TCF12: variants seen among roughly 807,000 people sequenced by gnomAD.
The protein encoded by TCF12 is transcription factor 12.
Under a neutral mutation model 86.0 loss-of-function variants are expected in TCF12, and 45 were observed. The observed-to-expected ratio is 0.52, with a 90% confidence interval of 0.41 to 0.67. TCF12 has a LOEUF of 0.67. Among genes scored for constraint, TCF12 ranks in the 30% least tolerant of loss-of-function variants. TCF12 has a pLI of 0.00. For synonymous variants in TCF12, 330 were observed against 299.6 expected (o/e 1.10, Z -1.05); for missense variants, 881 against 859.9 (o/e 1.02, Z -0.31).
chr15:57,080,436 A>G (rs750880805), intron 4 of TCF12, among the ~76,000 whole-genome samples: 4 of 152,178 alleles, frequency 2.6e-5, no homozygotes, highest in Non-Finnish European at 5.9e-5. Context: ...TGTGTCCTTT[A>G]GCCAGATAAT....
At chr15:57,222,529 G>T (rs2058646297) in intron 8 of TCF12, among the ~76,000 whole-genome samples, 1 of 151,734 alleles carries the variant, frequency 6.6e-6, no homozygotes, top group Non-Finnish European at 1.5e-5. Flanking sequence ...AGGTATTAAT[G>T]TGGGTTTATA....
intron 5 of TCF12, among the ~76,000 whole-genome samples, chr15:57,147,425 AGTTT>A (rs2053432856): frequency 6.6e-6 from 1 of 152,166 alleles, no homozygotes; most frequent in South Asian, 2.1e-4. Flanking sequence ...ATCCCCAAAT[AGTTT>A]GTTTTTTAAA....
At chr15:57,193,588 T>C (rs1439942888) in intron 7 of TCF12, among the ~76,000 whole-genome samples, 1 of 152,246 alleles carries the variant, frequency 6.6e-6, no homozygotes, top group Non-Finnish European at 1.5e-5. Flanking sequence ...TACTTAAAGC[T>C]GCAAAGCATT....
In TCF12 at chr15:57,197,863, A is replaced by G. The variant is rs571066195; in HGVS notation, c.579+38A>G. 4.4e-6 allele frequency: 7 copies of G among 1,602,214 alleles called. 1 individual carries two copies. In the South Asian group the frequency reaches 6.6e-5, roughly 15 times the overall value. On this transcript the variant is annotated intron_variant, in intron 8 of 20. Transcript: ENST00000333725. ...CTTTTTTTAACTTGATGGTAAACAA[A>G]CTGATTTCAAGTGTTCCGTATTACC...
intron 8 of TCF12, among the ~76,000 whole-genome samples, chr15:57,220,308 C>T (rs2058530944): frequency 6.6e-6 from 1 of 152,032 alleles, no homozygotes; most frequent in South Asian, 2.1e-4. Flanking sequence ...AGATGAAAGT[C>T]ATCTAGGATA....
intron 5 of TCF12, among the ~76,000 whole-genome samples, chr15:57,156,991 T>C (rs1470467178): frequency 6.6e-6 from 1 of 152,240 alleles, no homozygotes; most frequent in Non-Finnish European, 1.5e-5. Flanking sequence ...GATACATTAA[T>C]GTCAGGAAGG....
At chr15:56,950,941 A>G (rs1249136489) in intron 3 of TCF12, among the ~76,000 whole-genome samples, 1 of 151,214 alleles carries the variant, frequency 6.6e-6, no homozygotes, top group African/African-American at 2.4e-5. Context: ...TTTTTAGTAG[A>G]GATGGGGTTT....
intron 16 of TCF12, among the ~76,000 whole-genome samples, chr15:57,258,263 A>G (rs2060438745): frequency 6.6e-6 from 1 of 152,128 alleles, no homozygotes; most frequent in South Asian, 2.1e-4. Context: ...CTGAGTGACA[A>G]AGTGAGACCC....
At chr15:57,236,193 C>T (rs1323168193) in intron 12 of TCF12, among the ~76,000 whole-genome samples, 1 of 152,184 alleles carries the variant, frequency 6.6e-6, no homozygotes, top group Non-Finnish European at 1.5e-5. Flanking sequence ...AAATCCCTTC[C>T]TTCAATCCAT....
At chr15:57,244,965 C>G (rs2059793484) in intron 13 of TCF12, among the ~76,000 whole-genome samples, 1 of 152,042 alleles carries the variant, frequency 6.6e-6, no homozygotes. Flanking sequence ...TTTTTCTGAG[C>G]AGTGTTTGGA....
chr15:57,038,848 A>T (rs965612095), intron 3 of TCF12, among the ~76,000 whole-genome samples: 6 of 152,192 alleles, frequency 3.9e-5, no homozygotes, highest in Admixed American at 1.3e-4. Flanking sequence ...TTAGCGTTGT[A>T]TTGAAGTGCA....
At chr15:57,133,861 G>T (rs925530057) in intron 5 of TCF12, among the ~76,000 whole-genome samples, 3 of 152,088 alleles carry the variant, frequency 2.0e-5, no homozygotes, top group African/African-American at 7.2e-5. Context: ...CTTCATAATA[G>T]ATTACGCTTT....
At chr15:56,961,475 G>A (rs553971937) in intron 3 of TCF12, among the ~76,000 whole-genome samples, 5 of 152,254 alleles carry the variant, frequency 3.3e-5, no homozygotes, top group African/African-American at 1.2e-4. Context: ...ATAAGCAACC[G>A]CAAAACGATA....
At chr15:56,966,309 C>T (rs1362880741) in intron 3 of TCF12, among the ~76,000 whole-genome samples, 1 of 152,214 alleles carries the variant, frequency 6.6e-6, no homozygotes, top group Non-Finnish European at 1.5e-5. Context: ...TAGGTTTTGC[C>T]ATTACTTTCA....
chr15:57,002,173 A>C (rs2064083215), intron 3 of TCF12, among the ~76,000 whole-genome samples: 1 of 152,200 alleles, frequency 6.6e-6, no homozygotes, highest in East Asian at 1.9e-4. Context: ...TCAATAGGCA[A>C]AGACATGATG....
At chr15:56,994,020 A>G (rs150869234) in intron 3 of TCF12, among the ~76,000 whole-genome samples, 37 of 152,322 alleles carry the variant, frequency 2.4e-4, no homozygotes, top group African/African-American at 8.9e-4. Context: ...CTTGAAATGT[A>G]TGAAAAAGTC....
At chr15:57,101,684 G>T (rs2151175148) in intron 5 of TCF12, among the ~76,000 whole-genome samples, 1 of 152,016 alleles carries the variant, frequency 6.6e-6, no homozygotes, top group South Asian at 2.1e-4. Context: ...TGTTTCTTTG[G>T]GTATTTCCAT....
intron 3 of TCF12, among the ~76,000 whole-genome samples, chr15:56,979,871 G>A (rs1428348555): frequency 6.6e-6 from 1 of 152,150 alleles, no homozygotes. Context: ...ATTTGCAGAA[G>A]TTTTATTGGA....
chr15:56,970,699 T>TA (rs147009225), intron 3 of TCF12, among the ~76,000 whole-genome samples: 2,616 of 152,028 alleles, frequency 0.017, 84 homozygotes, highest in African/African-American at 0.056. Flanking sequence ...AAATTAAAGA[T>TA]AAGACTTTTG....
Sources: allele counts gnomAD v4.1 joint callset (sites outside exome capture counted in the v4.1 genomes callset), GRCh38; gene constraint gnomAD v4.1.1; transcripts MANE v1.5; gene names NCBI Gene and HGNC (gene_info 2026-07-23, HGNC 2026-07-21).